The following GALM variants were observed in gnomAD, a reference collection of about 807,000 sequenced individuals.
GALM encodes the protein aldose 1-epimerase.
In GALM, 43 loss-of-function variants were observed where a neutral mutation model predicts 37.4. That is an observed-to-expected ratio of 1.15 (90% CI 0.90 to 1.48). GALM has a LOEUF of 1.48. Ranked by LOEUF, GALM falls within the 40% of genes most tolerant of loss-of-function variation. GALM has a pLI of 0.00. For synonymous variants in GALM, 199 were observed against 170.6 expected, an observed-to-expected ratio of 1.17 and a Z score of -1.30; for missense variants, 456 against 419.1, an observed-to-expected ratio of 1.09 and a Z score of -0.77.
chr2:38,693,748 G>A (rs1665737365), intron 4 of GALM, among the ~76,000 whole-genome samples: 1 of 152,162 alleles, frequency 6.6e-6, no homozygotes, highest in Non-Finnish European at 1.5e-5. Flanking sequence ...GAAAACTATA[G>A]AACAAGGAGT....
intron 4 of GALM, among the ~76,000 whole-genome samples, chr2:38,716,238 C>A (rs1013390947): frequency 2.0e-5 from 3 of 152,200 alleles, no homozygotes; most frequent in African/African-American, 4.8e-5. Context: ...CAGATTAAGA[C>A]CAGCTTCTGC....
intron 4 of GALM, among the ~76,000 whole-genome samples, chr2:38,724,629 T>C (rs1026798243): frequency 2.0e-5 from 3 of 152,208 alleles, no homozygotes; most frequent in African/African-American, 7.2e-5. Flanking sequence ...CACTGTTTTT[T>C]TCTTCTCATT....
intron 4 of GALM, among the ~76,000 whole-genome samples, chr2:38,709,092 A>G (rs1307505095): frequency 6.6e-6 from 1 of 152,154 alleles, no homozygotes; most frequent in Non-Finnish European, 1.5e-5. Context: ...AGTGTTACTA[A>G]GGGTCTCAGG....
chr2:38,717,013 G>A (rs1157165653), intron 4 of GALM, among the ~76,000 whole-genome samples: 1 of 152,208 alleles, frequency 6.6e-6, no homozygotes, highest in East Asian at 1.9e-4. Flanking sequence ...CACTTTGGGA[G>A]GCCGAGGCAG....
At chr2:38,693,997 T>A (rs978799359) in intron 4 of GALM, among the ~76,000 whole-genome samples, 8 of 152,066 alleles carry the variant, frequency 5.3e-5, no homozygotes, top group Admixed American at 5.2e-4. Flanking sequence ...CTGGGCAACA[T>A]AGGGAGACCC....
At chr2:38,667,142 T>C (rs941420569) in intron 1 of GALM, among the ~76,000 whole-genome samples, 6 of 152,194 alleles carry the variant, frequency 3.9e-5, no homozygotes, top group African/African-American at 1.4e-4. Flanking sequence ...AAGGAAAATG[T>C]ACATCATGCT....
At chr2:38,729,514 C>T in intron 4 of GALM, 42 bp from the exon 5 acceptor site, 2 of 1,595,076 alleles carry the variant, frequency 1.3e-6, no homozygotes, top group Non-Finnish European at 1.7e-6. Flanking sequence ...AAAGATGAGA[C>T]TTGGGCATTT....
At chr2:38,667,526 C>T (rs1357623747) in intron 1 of GALM, among the ~76,000 whole-genome samples, 1 of 152,006 alleles carries the variant, frequency 6.6e-6, no homozygotes. Context: ...GCCAAGATTG[C>T]GCCACTGCAC....
At chr2:38,678,447 C>T (rs1357691551) in intron 2 of GALM, among the ~76,000 whole-genome samples, 1 of 152,116 alleles carries the variant, frequency 6.6e-6, no homozygotes, top group Admixed American at 6.6e-5. Context: ...TATGCTTAAC[C>T]AATCATATTG....
chr2:38,708,859 A>G (rs1176121378), intron 4 of GALM, among the ~76,000 whole-genome samples: 1 of 151,780 alleles, frequency 6.6e-6, no homozygotes, highest in African/African-American at 2.4e-5. Context: ...GAAGGAGAGG[A>G]GCTGATTTAG....
intron 4 of GALM, among the ~76,000 whole-genome samples, chr2:38,727,597 C>T (rs1302624387): frequency 6.6e-6 from 1 of 151,458 alleles, no homozygotes; most frequent in Non-Finnish European, 1.5e-5. Context: ...CATGATGGTG[C>T]GTGCCTGTAG....
Position 38,731,825 on chromosome 2 carries a change from A to AT in GALM, c.869dup (p.Leu290PhefsTer24). On this transcript the variant is annotated frameshift_variant, in exon 6 of 7. Transcript: ENST00000272252. LOFTEE classifies it high-confidence loss of function. ...ACACGGGCAACTTCCTGGATGGCAC[A>AT]TTAAAGGGCAAGAATGGAGCTGTCT... The AT allele has an allele frequency of 6.2e-7, 1 of 1,614,106 alleles. No individual in the cohort carries two copies. The highest frequency in any genetic ancestry group is 8.5e-7 in the Non-Finnish European group (1 of 1,179,982).
At chr2:38,726,680 TG>T (rs762346417) in intron 4 of GALM, among the ~76,000 whole-genome samples, 19 of 151,622 alleles carry the variant, frequency 1.3e-4, no homozygotes, top group Non-Finnish European at 2.7e-4. Context: ...GAGGCCGAGA[TG>T]GGCAGATCAC....
intron 4 of GALM, among the ~76,000 whole-genome samples, chr2:38,718,321 T>G (rs1968411): frequency 6.6e-6 from 1 of 150,558 alleles, no homozygotes; most frequent in Non-Finnish European, 1.5e-5. Context: ...TGCCTCAGCC[T>G]CCCAAGTAGC....
chr2:38,701,164 A>G (rs1448543385), intron 4 of GALM, among the ~76,000 whole-genome samples: 1 of 152,150 alleles, frequency 6.6e-6, no homozygotes, highest in Non-Finnish European at 1.5e-5. Flanking sequence ...AAATCCTTCT[A>G]TTTTGCCAGG....
intron 4 of GALM, among the ~76,000 whole-genome samples, chr2:38,708,711 A>G (rs1423003057): frequency 2.0e-5 from 3 of 148,456 alleles, no homozygotes; most frequent in African/African-American, 7.5e-5. Flanking sequence ...CCTGGGTGAT[A>G]GAGCGAGACT....
chr2:38,677,409 A>G (rs971148049), intron 2 of GALM, among the ~76,000 whole-genome samples: 2 of 152,158 alleles, frequency 1.3e-5, no homozygotes, highest in Admixed American at 6.6e-5. Flanking sequence ...GCCTGGAACT[A>G]GACTGACTGC....
Position 38,725,898 on chromosome 2 carries a change from G to A in GALM, c.635-3658G>A, listed in dbSNP as rs553093900. On this transcript the variant is annotated intron_variant, in intron 4 of 6. Transcript: ENST00000272252. ...GGCTAATTTTTGTATTTTTAGTAGA[G>A]ACGGGGTTTCGCCATGTTGCCCAGG... Among the ~76,000 whole-genome samples, 4 of 152,082 alleles carry A rather than the reference G, an allele frequency of 2.6e-5. No homozygotes were observed. In the South Asian group the frequency reaches 8.3e-4, roughly 32 times the overall value.
rs956907605 is a variant in GALM at position 38,730,785 on chromosome 2, G to T, written c.777-950G>T. Among the ~76,000 whole-genome samples, 5 of 151,984 alleles carry T rather than the reference G, an allele frequency of 3.3e-5. No individual in the cohort carries two copies. The East Asian group carries it at 9.8e-4, about 30-fold the overall frequency. ...AAAATATAAAAATTAGCCAGGCATG[G>T]TGGTGGGCACCTATAATCTCAGCTA... On this transcript the variant is annotated intron_variant, in intron 5 of 6. Transcript: ENST00000272252.
Sources: gnomAD v4.1 joint callset for allele counts (sites outside exome capture counted in the v4.1 genomes callset) on GRCh38, gnomAD v4.1.1 for gene constraint, MANE v1.5 for transcripts, NCBI Gene and HGNC (gene_info 2026-07-23, HGNC 2026-07-21) for gene names.